Variants in ITGA7 observed in about 807,000 individuals in gnomAD.
ITGA7 encodes the protein integrin subunit alpha 7.
In ITGA7, 84 loss-of-function variants were observed where a neutral mutation model predicts 131.6. The ratio of observed to expected loss-of-function variants is 0.64; its 90% CI spans 0.54 to 0.77. ITGA7 has a LOEUF of 0.77. ITGA7 is among the 30% of genes least tolerant of loss of function. The pLI is 0.00. For missense variants in ITGA7, 1,399 were observed against 1,482.9 expected (o/e 0.94, Z 0.93); for synonymous variants, 548 against 600.7 (o/e 0.91, Z 1.28).
Position 55,697,952 on chromosome 12 carries a change from C to T in ITGA7, c.1267G>A (p.Ala423Thr), listed in dbSNP as rs779666592. ...ACTCCCCTCACCTGTGAAGGTTTGG[C>T]GACAACCCCCAGGCTGCTCCCATGG... is the stretch of plus-strand genomic sequence containing the variant. ...IYHGSSLGVVAKPSQVLEGEA... is the reference protein window; with the variant it reads ...IYHGSSLGVVTKPSQVLEGEA... The change falls in exon 8 of 25, where the codon GCC becomes ACC. Residue 423 changes from alanine to threonine, a missense_variant. By Grantham distance (58) the Ala-to-Thr change is moderately conservative (BLOSUM62 0). Coordinates refer to ENST00000257879, the MANE Select transcript of ITGA7 (RefSeq NM_002206.3). 1.9e-5 allele frequency: 30 copies of T among 1,614,072 alleles called. No homozygotes were observed. The Middle Eastern group carries it at 8.2e-4, about 44-fold the overall frequency.
chr12:55,694,748 C>T lies in ITGA7; in HGVS notation c.2196+30G>A. 6.2e-7 allele frequency: 1 copy of T among 1,613,992 alleles called. No homozygotes were observed. Among genetic ancestry groups the T allele is most frequent in the Non-Finnish European group, 8.5e-7 (1 of 1,179,894 alleles). ...TCTGGGTTACTGGAGCCCCTCAAGA[C>T]CCCACCCCATCCTGCCCCCAGGTCC... On this transcript the variant is annotated intron_variant, in intron 15 of 24. Coordinates refer to ENST00000257879, the MANE Select transcript of ITGA7 (RefSeq NM_002206.3). The surrounding 1 kb of genome is among the most constrained non-coding windows in gnomAD (Gnocchi z 5.3).
intron 13 of ITGA7, among the ~76,000 whole-genome samples, chr12:55,695,994 G>T (rs1233137979): frequency 6.6e-6 from 1 of 152,138 alleles, no homozygotes; most frequent in Non-Finnish European, 1.5e-5. Flanking sequence ...GGGGCCTCAT[G>T]TTCTCCCTTC....
chr12:55,694,974 G>C lies in ITGA7; in HGVS notation c.2004-4C>G. On this transcript the variant is annotated splice_polypyrimidine_tract_variant and splice_region_variant and intron_variant, in intron 14 of 24. Transcript: ENST00000257879. The surrounding 1 kb of genome is among the most constrained non-coding windows in gnomAD (Gnocchi z 5.3). ...GGCTGTTGTTCCATCCACATCCCTG[G>C]AGAGTCAGACCCCACTCCTGCTAAG... 1 of 1,612,712 alleles carries C rather than the reference G, an allele frequency of 6.2e-7. No individual in the cohort carries two copies. Among genetic ancestry groups the C allele is most frequent in the Non-Finnish European group, 8.5e-7 (1 of 1,179,904 alleles).
chr12:55,686,835 T>G (rs748508553), intron 24 of ITGA7, among the ~76,000 whole-genome samples: 4 of 152,192 alleles, frequency 2.6e-5, no homozygotes, highest in Non-Finnish European at 5.9e-5. Context: ...CTGGAGGCCG[T>G]TCTCCGTGCT....
chr12:55,716,397 C>G, upstream of ITGA7: 2 of 1,399,702 alleles, frequency 1.4e-6, no homozygotes, highest in Non-Finnish European at 1.8e-6. Flanking sequence ...GGGCAATACT[C>G]CGGTCCCCTC....
chr12:55,686,232 G>A, intron 24 of ITGA7: 1 of 1,350,486 alleles, frequency 7.4e-7, no homozygotes, highest in Non-Finnish European at 9.8e-7. Flanking sequence ...AACTTCCATG[G>A]CTGAAGGCTG....
chr12:55,700,614 G>C (rs1873775302), intron 4 of ITGA7: 1 of 636,816 alleles, frequency 1.6e-6, no homozygotes, highest in Admixed American at 3.0e-5. Flanking sequence ...GAATGGCAGT[G>C]ATGAGGTGTG....
chr12:55,697,489 G>A lies in ITGA7; in HGVS notation c.1467C>T (p.Asp489=). Residue 489 remains aspartate (D), a synonymous_variant, in exon 10 of 25, where the codon GAC becomes GAT. Coordinates refer to ENST00000257879, the MANE Select transcript of ITGA7 (RefSeq NM_002206.3). ...HEVSIAPRSI[D]LEQPNCAGGH... ...CGCCAGCACAGTTGGGCTGCTCCAGGTCGATGCTTCGTGGAGCAATAGAGA... is the reference window on the plus strand; with the variant it reads ...CGCCAGCACAGTTGGGCTGCTCCAGATCGATGCTTCGTGGAGCAATAGAGA... The A allele has an allele frequency of 6.2e-7, 1 of 1,614,126 alleles. No homozygotes were observed. The highest frequency in any genetic ancestry group is 8.5e-7 in the Non-Finnish European group (1 of 1,180,038).
chr12:55,689,896 T>C (rs1348952132), intron 21 of ITGA7, among the ~76,000 whole-genome samples: 3 of 152,166 alleles, frequency 2.0e-5, no homozygotes, highest in African/African-American at 7.2e-5. Context: ...TAATAAATGG[T>C]GCTGGGAAAA....
intron 22 of ITGA7, 84 bp downstream of exon 22, chr12:55,688,760 A>T: frequency 2.1e-6 from 2 of 973,034 alleles, no homozygotes; most frequent in Non-Finnish European, 3.3e-6. Flanking sequence ...GCATTTGGAC[A>T]GTGAGGAAGG....
intron 24 of ITGA7, chr12:55,686,141 C>A (rs1382657328): frequency 1.1e-6 from 1 of 946,356 alleles, no homozygotes; most frequent in African/African-American, 1.7e-5. Context: ...GGGAATTCTC[C>A]TTATATTCAC....
Position 55,694,347 on chromosome 12 carries a change from G to T in ITGA7, c.2358-17C>A. The T allele has an allele frequency of 1.2e-6, 2 of 1,613,604 alleles. No homozygotes were observed. The highest frequency in any genetic ancestry group is 1.7e-6 in the Non-Finnish European group (2 of 1,179,942). ...TCACTGATCCTGGTGAGTGGGCAGG[G>T]GCAAGTATGGGCATCAGGCACAGGC... On this transcript the variant is annotated splice_polypyrimidine_tract_variant and intron_variant, in intron 17 of 24. Coordinates refer to ENST00000257879, the MANE Select transcript of ITGA7 (RefSeq NM_002206.3). This position sits in a 1 kb window ranked among gnomAD's most constrained non-coding sequence, Gnocchi z 5.3.
Position 55,697,800 on chromosome 12 carries a change from C to T in ITGA7, c.1304G>A (p.Gly435Asp). Reference protein sequence around the residue: ...PSQVLEGEAVGIKSFGYSLSG... With the variant: ...PSQVLEGEAVDIKSFGYSLSG... ...CAGGGAGTAGCCGAAGCTCTTGATG[C>T]CCACAGCCTCGCCCTCCAGCACCTA... The change falls in exon 9 of 25, where the codon GGC becomes GAC. Residue 435 changes from glycine (G) to aspartate (D), a missense_variant. Coordinates refer to ENST00000257879, the MANE Select transcript of ITGA7 (RefSeq NM_002206.3). The T allele has an allele frequency of 1.2e-6, 2 of 1,614,126 alleles. No individual in the cohort carries two copies. Among genetic ancestry groups the T allele is most frequent in the Non-Finnish European group, 1.7e-6 (2 of 1,180,010 alleles).
In ITGA7 at chr12:55,692,957, T is replaced by C. The variant is rs1490027238; in HGVS notation, c.2731A>G (p.Arg911Gly). ...ILHLDVDSRD[R>G]RRRELEPPEQ... ...GGTGGCTCCAGCTCCCGCCGCCTCCTATCCCTACTGTCCACATCCTGGACA... is the reference window on the plus strand; with the variant it reads ...GGTGGCTCCAGCTCCCGCCGCCTCCCATCCCTACTGTCCACATCCTGGACA... The change falls in exon 21 of 25, where the codon AGG becomes GGG. Residue 911 changes from arginine to glycine, a missense_variant. Transcript: ENST00000257879. The C allele has an allele frequency of 6.2e-7, 1 of 1,614,012 alleles. No homozygotes were observed. Among genetic ancestry groups the C allele is most frequent in the Admixed American group, 1.7e-5 (1 of 60,010 alleles).
intron 5 of ITGA7, 50 bp downstream of exon 5, chr12:55,699,819 AG>A: frequency 6.4e-7 from 1 of 1,570,884 alleles, no homozygotes; most frequent in Non-Finnish European, 8.6e-7. Flanking sequence ...CTGGGGAAGG[AG>A]GGGAGGCTGG....
At chr12:55,715,839 T>C (rs1876471912), upstream of ITGA7, 9 of 579,696 alleles carry the variant, frequency 1.6e-5, no homozygotes, top group South Asian at 2.4e-4. Context: ...CCACCAGCCC[T>C]CGAAGCCTGA....
At position 55,694,094 on chromosome 12, in the gene ITGA7, GAGA is replaced by G. The variant is rs889073101; in HGVS notation, c.2459_2461del (p.Phe820del). On this transcript the variant is annotated inframe_deletion, in exon 19 of 25. Transcript: ENST00000257879. The surrounding 1 kb of genome is among the most constrained non-coding windows in gnomAD (Gnocchi z 5.3). ...GGCTCTCTCGCCCCTCACCACACCA[GAGA>G]AGAAGAGTTGCTGGGGAATGGCCAT... 1.1e-5 allele frequency: 17 copies of G among 1,614,078 alleles called. No individual in the cohort carries two copies. The highest frequency in any genetic ancestry group is 2.7e-5 in the African/African-American group (2 of 74,936).
In ITGA7 at chr12:55,685,221, G is replaced by A. The variant is rs1869816593; in HGVS notation, c.3251C>T (p.Pro1084Leu). The A allele has an allele frequency of 6.2e-7, 1 of 1,614,198 alleles. No individual in the cohort carries two copies. Among genetic ancestry groups the A allele is most frequent in the Non-Finnish European group, 8.5e-7 (1 of 1,180,030 alleles). ...CTTGAACTGCTGTCGGTCTTCCCGA[G>A]GAATCTTCACCGCATGGTACTGGGG... Reference protein sequence around the residue: ...TVPQYHAVKIPREDRQQFKEE... With the variant: ...TVPQYHAVKILREDRQQFKEE... Residue 1084 changes from proline (P) to leucine (L), a missense_variant, in exon 25 of 25, where the codon CCT (proline) becomes CTT (leucine). Physicochemically the swap from Pro to Leu is moderately conservative, Grantham distance 98 (BLOSUM62 -3). Coordinates refer to ENST00000257879, the MANE Select transcript of ITGA7 (RefSeq NM_002206.3).
chr12:55,715,962 C>A, upstream of ITGA7: 1 of 1,430,084 alleles, frequency 7.0e-7, no homozygotes, highest in Admixed American at 2.9e-5. Flanking sequence ...CTGCCCTCCG[C>A]AACCCTCTAC....
Sources: allele counts gnomAD v4.1 joint callset (sites outside exome capture counted in the v4.1 genomes callset), GRCh38; gene constraint gnomAD v4.1.1; non-coding constraint Gnocchi (gnomAD v3.1); transcripts MANE v1.5; gene names NCBI Gene and HGNC (gene_info 2026-07-23, HGNC 2026-07-21).